Variants in HEATR5A observed in about 807,000 individuals in gnomAD.
HEATR5A encodes the protein HEAT repeat containing 5A, also known as HEAT repeat-containing protein 5A.
In HEATR5A, 178 loss-of-function variants were observed where a neutral mutation model predicts 218.8. The ratio of observed to expected loss-of-function variants is 0.81; its 90% CI spans 0.72 to 0.92. HEATR5A has a LOEUF of 0.92. Ranked by LOEUF, HEATR5A falls within the 40% of genes least tolerant of loss-of-function variation. The probability of loss-of-function intolerance (pLI) is 0.00; values close to 1 mark genes in which losing one functional copy is unlikely to be tolerated. For missense variants in HEATR5A, 2,420 were observed against 2,418.9 expected (o/e 1.00, Z -0.01); for synonymous variants, 864 against 871.6 (o/e 0.99, Z 0.15).
rs920714823 is a variant in HEATR5A at position 31,343,940 on chromosome 14, C to T, written c.3184G>A (p.Ala1062Thr). The change falls in exon 21 of 36, where the codon GCT becomes ACT. Residue 1062 changes from alanine (A) to threonine (T), a missense_variant. Transcript: ENST00000543095. ...CTAGACAAGTTGACATGTCGTGGAGCAAACATATGAAGCTGCTGAAGGCAA... is the reference window on the plus strand; with the variant it reads ...CTAGACAAGTTGACATGTCGTGGAGTAAACATATGAAGCTGCTGAAGGCAA... ...ISCLQQLHMF[A>T]PRHVNLSSLV... 5.6e-6 allele frequency: 9 copies of T among 1,611,162 alleles called. No homozygotes were observed. Among genetic ancestry groups the T allele is most frequent in the Non-Finnish European group, 7.6e-6 (9 of 1,178,958 alleles).
rs117223546 is a variant in HEATR5A at position 31,410,890 on chromosome 14, T to A, written c.-74-7841A>T. On this transcript the variant is annotated intron_variant, in intron 1 of 35. Coordinates refer to ENST00000543095, the MANE Select transcript of HEATR5A (RefSeq NM_015473.4). ...ACTTAGGATATTATTCTGTATGACCTTAATATTAGTCTTTCTAATTCTCTA... is the reference window on the plus strand; with the variant it reads ...ACTTAGGATATTATTCTGTATGACCATAATATTAGTCTTTCTAATTCTCTA... Among the ~76,000 whole-genome samples, 71 of 152,352 alleles carry A rather than the reference T, an allele frequency of 4.7e-4. No individual in the cohort carries two copies. The East Asian group carries it at 7.9e-3, about 17-fold the overall frequency.
At position 31,313,193 on chromosome 14, in the gene HEATR5A, G is replaced by T. The variant is rs1899811760; in HGVS notation, c.4219-3C>A. On this transcript the variant is annotated splice_region_variant and splice_polypyrimidine_tract_variant and intron_variant, in intron 27 of 35. Transcript: ENST00000543095. ...CTTTGCACAGCAATTATGTAGACCT[G>T]TTAAAGGTTAATTTAAAAACAGGAA... 2 of 1,593,500 alleles carry T rather than the reference G, an allele frequency of 1.3e-6. No homozygotes were observed. The highest frequency in any genetic ancestry group is 4.5e-5 in the East Asian group (2 of 44,738).
chr14:31,295,995 T>C lies in HEATR5A; in HGVS notation c.5533A>G (p.Thr1845Ala), dbSNP rs772354858. 5 of 1,613,340 alleles carry C rather than the reference T, an allele frequency of 3.1e-6. No individual in the cohort carries two copies. Among genetic ancestry groups the C allele is most frequent in the Non-Finnish European group, 4.2e-6 (5 of 1,179,360 alleles). The stretch of plus-strand genomic sequence containing the variant: ...GGGATGGTAGTTACTTCTGGACTGG[T>C]AGACAAAATAAACACTGTGATAGCA... ...LTAITVFILS[T>A]SPEVTTIPCL... is the part of the protein sequence containing the mutation. Residue 1845 changes from threonine to alanine, a missense_variant, in exon 34 of 36, where the codon ACC (threonine) becomes GCC (alanine). Coordinates refer to ENST00000543095, the MANE Select transcript of HEATR5A (RefSeq NM_015473.4).
At chr14:31,376,516 A>T (rs1377406001) in intron 11 of HEATR5A, among the ~76,000 whole-genome samples, 1 of 152,106 alleles carries the variant, frequency 6.6e-6, no homozygotes, top group Non-Finnish European at 1.5e-5. Flanking sequence ...TAAATAAATA[A>T]CAATAATTAT....
At position 31,408,084 on chromosome 14, in the gene HEATR5A, T is replaced by C. The variant is rs550809042; in HGVS notation, c.-74-5035A>G. Among the ~76,000 whole-genome samples the C allele has an allele frequency of 2.6e-5, 4 of 152,372 alleles. No individual in the cohort carries two copies. In the South Asian group the frequency reaches 8.3e-4, roughly 32 times the overall value. ...TATTTCTCTGGGCACTATTTGCTTCTCTCAAAACTGTCTGTACTTTGTACA... is the reference window on the plus strand; with the variant it reads ...TATTTCTCTGGGCACTATTTGCTTCCCTCAAAACTGTCTGTACTTTGTACA... On this transcript the variant is annotated intron_variant, in intron 1 of 35. Coordinates refer to ENST00000543095, the MANE Select transcript of HEATR5A (RefSeq NM_015473.4).
intron 31 of HEATR5A, among the ~76,000 whole-genome samples, chr14:31,305,825 T>C (rs772646566): frequency 3.3e-5 from 5 of 152,174 alleles, no homozygotes; most frequent in Non-Finnish European, 5.9e-5. Context: ...AGTCACATCC[T>C]TAATGTCTTT....
intron 33 of HEATR5A, chr14:31,297,358 T>C (rs1329428072): frequency 6.6e-6 from 1 of 152,042 alleles, no homozygotes; most frequent in African/African-American, 2.4e-5. Flanking sequence ...TAGTCCCAGC[T>C]ACTTGAGACA....
At chr14:31,326,126 A>G (rs989897281) in intron 23 of HEATR5A, 37 bp downstream of exon 23, 1 of 1,549,382 alleles carries the variant, frequency 6.5e-7, no homozygotes, top group Non-Finnish European at 8.9e-7. Context: ...TTCAAATTTC[A>G]ATTTTATTAT....
intron 8 of HEATR5A, 79 bp from the exon 9 acceptor site, chr14:31,386,654 A>G (rs2030235800): frequency 1.4e-5 from 19 of 1,321,118 alleles, no homozygotes; most frequent in Middle Eastern, 2.0e-4. Context: ...GTAAAAAGGT[A>G]TAACGGCAAA....
chr14:31,385,409 G>A (rs554593447), intron 9 of HEATR5A, among the ~76,000 whole-genome samples: 19 of 152,070 alleles, frequency 1.2e-4, no homozygotes, highest in African/African-American at 2.4e-4. Context: ...GATTACAGGC[G>A]TGAGCCACCA....
At chr14:31,320,274 T>C (rs1900048900) in intron 25 of HEATR5A, 8 of 711,576 alleles carry the variant, frequency 1.1e-5, no homozygotes, top group South Asian at 9.5e-5. Flanking sequence ...AAGAGCCCCA[T>C]GGCCTCAGAC....
At chr14:31,297,569 A>G (rs1899229461) in intron 33 of HEATR5A, 1 of 152,220 alleles carries the variant, frequency 6.6e-6, no homozygotes, top group Non-Finnish European at 1.5e-5. Context: ...TGAGGAGATA[A>G]TACCTGAGCT....
intron 21 of HEATR5A, among the ~76,000 whole-genome samples, chr14:31,338,634 C>T (rs927774281): frequency 2.6e-5 from 4 of 151,866 alleles, no homozygotes; most frequent in African/African-American, 7.3e-5. Flanking sequence ...GTATGTTCTA[C>T]AAAATAAATA....
In HEATR5A at chr14:31,336,213, C is replaced by T. The variant is rs4011659; in HGVS notation, c.3367+1263G>A. ...AGGGGGTTATTTTTATATATACATA[C>T]ATACATATATATATATATATATATA... On this transcript the variant is annotated intron_variant, in intron 22 of 35. Coordinates refer to ENST00000543095, the MANE Select transcript of HEATR5A (RefSeq NM_015473.4). Among the ~76,000 whole-genome samples, 422 of 90,668 alleles carry T rather than the reference C, an allele frequency of 4.7e-3. 27 individuals are homozygous for T. The highest frequency in any genetic ancestry group is 7.6e-3 in the Non-Finnish European group (318 of 42,042). 59.5% of individuals were successfully genotyped at this position (90,668 alleles called of 152,430 possible).
At chr14:31,373,601 G>C (rs900898431) in intron 12 of HEATR5A, among the ~76,000 whole-genome samples, 1 of 152,146 alleles carries the variant, frequency 6.6e-6, no homozygotes, top group African/African-American at 2.4e-5. Flanking sequence ...AAAGTGCTGA[G>C]ATTACAAGCG....
chr14:31,313,092 T>C lies in HEATR5A; in HGVS notation c.4317A>G (p.Ser1439=). The change falls in exon 28 of 36, where the codon TCA becomes TCG. Residue 1439 remains serine, a synonymous_variant. Coordinates refer to ENST00000543095, the MANE Select transcript of HEATR5A (RefSeq NM_015473.4). The stretch of plus-strand genomic sequence containing the variant: ...CATAGACTAAGTCAAGCAGTCCATC[T>C]GATGAACATGATCCATTTCTGATAC... ...EDGIRNGSCS[S]DGLLDLVYAD... 2.5e-6 allele frequency: 4 copies of C among 1,613,772 alleles called. No homozygotes were observed. Among genetic ancestry groups the C allele is most frequent in the Non-Finnish European group, 3.4e-6 (4 of 1,179,688 alleles).
rs543960613 is a variant in HEATR5A at position 31,321,527 on chromosome 14, T to C, written c.3941A>G (p.His1314Arg). The C allele has an allele frequency of 6.2e-7, 1 of 1,601,270 alleles. No homozygotes were observed. ...ATVPEPEFPG[H>R]VILEQYQANV... ...GGCTTGATACTGTTCCAGAATCACA[T>C]GACCTGGAAACTCTGGTTCTGGAAC... The change falls in exon 25 of 36, where the codon CAT (histidine) becomes CGT (arginine). Residue 1314 changes from histidine (H) to arginine (R), a missense_variant. Transcript: ENST00000543095.
At chr14:31,385,320 G>A (rs1049519516) in intron 9 of HEATR5A, among the ~76,000 whole-genome samples, 1 of 152,038 alleles carries the variant, frequency 6.6e-6, no homozygotes, top group African/African-American at 2.4e-5. Flanking sequence ...TTAGTAGAGA[G>A]GAGCTCTCAC....
intron 34 of HEATR5A, chr14:31,295,286 T>G (rs1474242881): frequency 6.6e-6 from 1 of 152,110 alleles, no homozygotes; most frequent in Non-Finnish European, 1.5e-5. Flanking sequence ...GGCTCTGTCA[T>G]CCAGGCTGCG....
Sources: gnomAD v4.1 joint callset for allele counts (sites outside exome capture counted in the v4.1 genomes callset) on GRCh38, gnomAD v4.1.1 for gene constraint, MANE v1.5 for transcripts, NCBI Gene and HGNC (gene_info 2026-07-23, HGNC 2026-07-21) for gene names.